Variants in TRIM9 observed in about 807,000 individuals in gnomAD.
The protein encoded by TRIM9 is tripartite motif containing 9.
In TRIM9, 26 loss-of-function variants were observed where a neutral mutation model predicts 78.3. That is an observed-to-expected ratio of 0.33 (90% CI 0.24 to 0.46). The LOEUF (loss-of-function observed/expected upper bound fraction) is 0.46. Among genes scored for constraint, TRIM9 ranks in the 20% least tolerant of loss-of-function variants. TRIM9 has a pLI of 1.00. For missense variants in TRIM9, 787 were observed against 1,036.4 expected, an observed-to-expected ratio of 0.76 and a Z score of 3.30; for synonymous variants, 398 against 416.5, an observed-to-expected ratio of 0.96 and a Z score of 0.54.
chr14:51,074,492 C>T (rs999557884), intron 1 of TRIM9, among the ~76,000 whole-genome samples: 3 of 152,182 alleles, frequency 2.0e-5, no homozygotes, highest in Non-Finnish European at 4.4e-5. Flanking sequence ...CCCTCTCTTG[C>T]AGAATGAGAA....
At chr14:51,031,783 T>C (rs1442710126) in intron 1 of TRIM9, among the ~76,000 whole-genome samples, 2 of 152,204 alleles carry the variant, frequency 1.3e-5, no homozygotes, top group Non-Finnish European at 2.9e-5. Flanking sequence ...AGCAGGGCAA[T>C]CTCTGGGCAA....
intron 1 of TRIM9, among the ~76,000 whole-genome samples, chr14:51,039,308 TAGCATATGTCC>T (rs2059403711): frequency 6.6e-6 from 1 of 152,196 alleles, no homozygotes; most frequent in Admixed American, 6.5e-5. Context: ...CTCTATGTGA[TAGCATATGTCC>T]ACGAAAGACT....
intron 5 of TRIM9, among the ~76,000 whole-genome samples, chr14:51,002,978 C>T (rs1002860476): frequency 6.6e-6 from 1 of 152,088 alleles, no homozygotes; most frequent in South Asian, 2.1e-4. Flanking sequence ...GCTCAGAAGC[C>T]CCAGAAATCC....
intron 10 of TRIM9, chr14:50,982,682 T>G (rs2052119270): frequency 2.1e-6 from 1 of 482,196 alleles, no homozygotes; most frequent in South Asian, 3.8e-5. Flanking sequence ...GACAGGTTGC[T>G]GTCTGCATAA....
At chr14:50,978,843 T>C (rs73288814) in intron 12 of TRIM9, 58,238 of 936,554 alleles carry the variant, frequency 0.062, 2,078 homozygotes, top group African/African-American at 0.15. Flanking sequence ...AGATATTTGC[T>C]GAATGAATAA....
At chr14:50,994,279 T>C (rs1364071259) in intron 7 of TRIM9, among the ~76,000 whole-genome samples, 1 of 152,208 alleles carries the variant, frequency 6.6e-6, no homozygotes, top group Non-Finnish European at 1.5e-5. Flanking sequence ...TGGTGGCACA[T>C]GCCTGTAGTC....
At chr14:51,039,450 A>C (rs1270650823) in intron 1 of TRIM9, among the ~76,000 whole-genome samples, 2 of 152,258 alleles carry the variant, frequency 1.3e-5, no homozygotes, top group Non-Finnish European at 2.9e-5. Context: ...AATACTGCTG[A>C]GCAACAAAAA....
chr14:51,070,709 G>C (rs1477293413), intron 1 of TRIM9, among the ~76,000 whole-genome samples: 1 of 152,168 alleles, frequency 6.6e-6, no homozygotes, highest in East Asian at 1.9e-4. Flanking sequence ...GGGATTGACT[G>C]CATGTCTTTT....
At chr14:51,010,262 A>G in intron 4 of TRIM9, 122 bp downstream of exon 4, 1 of 683,556 alleles carries the variant, frequency 1.5e-6, no homozygotes, top group Admixed American at 2.6e-5. Flanking sequence ...CTGCAGTGTG[A>G]GGTAGGTTCT....
At position 50,979,470 on chromosome 14, in the gene TRIM9, T is replaced by C. The variant is rs2051533846; in HGVS notation, c.2242A>G (p.Asn748Asp). 1 of 1,614,182 alleles carries C rather than the reference T, an allele frequency of 6.2e-7. No homozygotes were observed. The highest frequency in any genetic ancestry group is 1.3e-5 in the African/African-American group (1 of 75,036). Residue 748 changes from asparagine to aspartate, a missense_variant, in exon 12 of 13, where the codon AAC becomes GAC. Physicochemically the swap from Asn to Asp is conservative, Grantham distance 23. Transcript: ENST00000684578. ...LNRKNLTFFI[N>D]DEQQGPIAFD... ...GCTATGGGACCTTGTTGTTCATCGT[T>C]GATAAAAAATGTCAAGTTTTTTCTA...
chr14:51,002,683 C>T lies in TRIM9; in HGVS notation c.1307-1843G>A, dbSNP rs145604876. Among the ~76,000 whole-genome samples the T allele has an allele frequency of 2.0e-3, 308 of 152,208 alleles. 4 individuals carry two copies. In the South Asian group the frequency reaches 0.031, roughly 15 times the overall value. On this transcript the variant is annotated intron_variant, in intron 5 of 12. Transcript: ENST00000684578. ...CCAACCAAAACAGTGTTTAATTTTACAGCAGTTTAGAAAACAGGTTCTATG... is the reference window on the plus strand; with the variant it reads ...CCAACCAAAACAGTGTTTAATTTTATAGCAGTTTAGAAAACAGGTTCTATG...
At chr14:51,045,015 C>T (rs1596255342) in intron 1 of TRIM9, among the ~76,000 whole-genome samples, 1 of 151,958 alleles carries the variant, frequency 6.6e-6, no homozygotes, top group African/African-American at 2.4e-5. Flanking sequence ...TCTAAGAGGG[C>T]GGTTGGTTCT....
At chr14:50,986,744 A>G (rs2052766620) in intron 7 of TRIM9, among the ~76,000 whole-genome samples, 1 of 152,222 alleles carries the variant, frequency 6.6e-6, no homozygotes, top group Non-Finnish European at 1.5e-5. Context: ...TGGACAAGTA[A>G]GCAGGGAAAG....
At chr14:51,081,190 T>C (rs1196352361) in intron 1 of TRIM9, among the ~76,000 whole-genome samples, 1 of 152,204 alleles carries the variant, frequency 6.6e-6, no homozygotes, top group Non-Finnish European at 1.5e-5. Context: ...GAGCAAAGAC[T>C]TTAAATAGAC....
At chr14:51,083,765 T>C (rs1343094746) in intron 1 of TRIM9, among the ~76,000 whole-genome samples, 1 of 152,174 alleles carries the variant, frequency 6.6e-6, no homozygotes, top group Non-Finnish European at 1.5e-5. Context: ...CAATGCAAAA[T>C]GTTTGATTAG....
At chr14:51,072,475 C>G (rs545110304) in intron 1 of TRIM9, among the ~76,000 whole-genome samples, 12 of 151,952 alleles carry the variant, frequency 7.9e-5, no homozygotes, top group Admixed American at 3.3e-4. Context: ...ACAATACATA[C>G]GAGGAATTCA....
Position 51,010,374 on chromosome 14 carries a change from T to C in TRIM9, c.1152+10A>G. 1 of 1,604,166 alleles carries C rather than the reference T, an allele frequency of 6.2e-7. No individual in the cohort carries two copies. The highest frequency in any genetic ancestry group is 1.1e-5 in the South Asian group (1 of 90,842). ...TTTAGAATCTGACGCAGAAACTAGT[T>C]AACTCTTACCTGCAAAAAACCACTA... On this transcript the variant is annotated intron_variant, in intron 4 of 12. Coordinates refer to ENST00000684578, the MANE Select transcript of TRIM9 (RefSeq NM_001387360.1).
chr14:51,033,433 C>CAT (rs2058896254), intron 1 of TRIM9, among the ~76,000 whole-genome samples: 1 of 152,214 alleles, frequency 6.6e-6, no homozygotes, highest in South Asian at 2.1e-4. Context: ...AATATACATA[C>CAT]ATAAATCACG....
At chr14:51,068,884 A>G (rs898204201) in intron 1 of TRIM9, among the ~76,000 whole-genome samples, 1 of 152,234 alleles carries the variant, frequency 6.6e-6, no homozygotes, top group African/African-American at 2.4e-5. Context: ...TGTTAAGTGA[A>G]GCATTAATTA....
Sources: gnomAD v4.1 joint callset for allele counts (sites outside exome capture counted in the v4.1 genomes callset) on GRCh38, gnomAD v4.1.1 for gene constraint, MANE v1.5 for transcripts, NCBI Gene and HGNC (gene_info 2026-07-23, HGNC 2026-07-21) for gene names.